ADAMTSL1: variants seen among roughly 807,000 people sequenced by gnomAD.
ADAMTSL1 encodes ADAMTS like 1.
ADAMTSL1 carries 126 observed loss-of-function variants against 201.8 expected under a neutral mutation model. That is an observed-to-expected ratio of 0.62 (90% CI 0.54 to 0.72). The LOEUF is 0.72. ADAMTSL1 is among the 30% of genes least tolerant of loss of function. ADAMTSL1 has a pLI of 0.00. For missense variants in ADAMTSL1, 2,679 were observed against 2,277.8 expected (o/e 1.18, Z -3.59); for synonymous variants, 1,121 against 903.4 (o/e 1.24, Z -4.32).
intron 3 of ADAMTSL1, among the ~76,000 whole-genome samples, chr9:18,564,279 G>A (rs558294609): frequency 1.6e-4 from 24 of 152,264 alleles, no homozygotes; most frequent in African/African-American, 4.3e-4. Context: ...TCCTCAACCC[G>A]TTGCACTTCC....
chr9:18,396,614 A>G (rs1379310208), intron 2 of ADAMTSL1, among the ~76,000 whole-genome samples: 1 of 149,718 alleles, frequency 6.7e-6, no homozygotes, highest in Non-Finnish European at 1.5e-5. Context: ...TTTTTATAAT[A>G]TTATTTTTAT....
intron 2 of ADAMTSL1, among the ~76,000 whole-genome samples, chr9:18,350,514 C>CT (rs5896783): frequency 0.24 from 35,902 of 151,402 alleles, 4,990 homozygotes; most frequent in Admixed American, 0.42. Flanking sequence ...AAGGAGAAAA[C>CT]TTTTTTTTTC....
At chr9:18,587,753 G>T (rs531737942) in intron 4 of ADAMTSL1, among the ~76,000 whole-genome samples, 30 of 152,154 alleles carry the variant, frequency 2.0e-4, no homozygotes, top group Non-Finnish European at 3.8e-4. Flanking sequence ...TTCTGTGCCT[G>T]GTTTATTTCA....
At chr9:18,552,607 T>A (rs10756973) in intron 3 of ADAMTSL1, among the ~76,000 whole-genome samples, 39,609 of 151,460 alleles carry the variant, frequency 0.26, 5,630 homozygotes, top group East Asian at 0.6. Context: ...ATAATTTTTT[T>A]AAAATACTTG....
intron 2 of ADAMTSL1, among the ~76,000 whole-genome samples, chr9:18,442,565 CAATTT>C (rs1820037593): frequency 1.3e-5 from 2 of 152,260 alleles, no homozygotes; most frequent in East Asian, 3.9e-4. Context: ...CATGGGTCCT[CAATTT>C]AGTTGTATAT....
In ADAMTSL1 at chr9:18,369,617, C is replaced by G. The variant is rs565599284; in HGVS notation, c.208-135212C>G. On this transcript the variant is annotated intron_variant, in intron 2 of 29. Coordinates refer to the ADAMTSL1 transcript ENST00000680146. ...AGAACTACCATTAGACCCATCTATC[C>G]TACTACTGTGTATCTACTCAAAGGA... Among the ~76,000 whole-genome samples the G allele has an allele frequency of 1.6e-3, 238 of 152,274 alleles. 3 individuals are homozygous for G. The highest frequency in any genetic ancestry group is 0.014 in the South Asian group (66 of 4,820).
chr9:18,276,754 C>T (rs1449328492), intron 2 of ADAMTSL1, among the ~76,000 whole-genome samples: 2 of 152,162 alleles, frequency 1.3e-5, no homozygotes, highest in Non-Finnish European at 2.9e-5. Flanking sequence ...TTATTTTAAA[C>T]AGCCAGATCT....
intron 1 of ADAMTSL1, among the ~76,000 whole-genome samples, chr9:18,487,612 G>A (rs536971248): frequency 4.7e-4 from 72 of 152,136 alleles, no homozygotes; most frequent in Non-Finnish European, 7.3e-4. Context: ...TATGTATGTC[G>A]TGTCATATAA....
At chr9:18,905,723 G>A (rs371384977) in intron 26 of ADAMTSL1, 59 bp from the exon 27 acceptor site, 45 of 1,382,624 alleles carry the variant, frequency 3.3e-5, no homozygotes, top group East Asian at 2.7e-4. Flanking sequence ...GCCCAAGCAC[G>A]GCGGCCTCCA....
intron 20 of ADAMTSL1, among the ~76,000 whole-genome samples, chr9:18,811,012 C>CAAAAAAAAAAAAAAAAAAAAAAA (rs76456235): frequency 5.2e-5 from 2 of 38,790 alleles, no homozygotes; most frequent in Non-Finnish European, 8.7e-5. Flanking sequence ...CAATGAGTAC[C>CAAAAAAAAAAAAAAAAAAAAAAA]AAAAAAAAAA....
chr9:18,551,345 CTATGTT>C (rs1224439705), intron 3 of ADAMTSL1, among the ~76,000 whole-genome samples: 1 of 151,764 alleles, frequency 6.6e-6, no homozygotes, highest in African/African-American at 2.4e-5. Flanking sequence ...CAATTTGCCT[CTATGTT>C]TATGAGTAAT....
chr9:18,684,887 T>C, intron 13 of ADAMTSL1, 87 bp downstream of exon 13: 2 of 1,507,174 alleles, frequency 1.3e-6, no homozygotes, highest in Non-Finnish European at 1.8e-6. Flanking sequence ...CTTTCATGGG[T>C]TCTGAACTAA....
chr9:18,745,349 A>G (rs1367598678), intron 15 of ADAMTSL1, among the ~76,000 whole-genome samples: 1 of 152,202 alleles, frequency 6.6e-6, no homozygotes, highest in African/African-American at 2.4e-5. Context: ...AAAGGATTAA[A>G]ATATATTACT....
intron 2 of ADAMTSL1, among the ~76,000 whole-genome samples, chr9:18,322,837 A>G (rs1361255442): frequency 6.6e-6 from 1 of 152,244 alleles, no homozygotes; most frequent in Non-Finnish European, 1.5e-5. Context: ...AAATGCATAC[A>G]TCAATGCAAC....
intron 23 of ADAMTSL1, among the ~76,000 whole-genome samples, chr9:18,862,981 A>G (rs973768620): frequency 1.3e-5 from 2 of 152,214 alleles, no homozygotes; most frequent in African/African-American, 4.8e-5. Flanking sequence ...GGTAGGTTCA[A>G]TTCTGATCAA....
intron 2 of ADAMTSL1, among the ~76,000 whole-genome samples, chr9:18,372,212 C>G (rs1209956792): frequency 2.6e-5 from 4 of 152,122 alleles, no homozygotes; most frequent in Admixed American, 6.5e-5. Context: ...AACCTAGAAA[C>G]TGACTTAGAA....
intron 2 of ADAMTSL1, among the ~76,000 whole-genome samples, chr9:18,189,534 GC>G (rs1242895037): frequency 6.6e-6 from 1 of 151,868 alleles, no homozygotes; most frequent in Non-Finnish European, 1.5e-5. Context: ...AAGATTTAAC[GC>G]CCTTTTCCAC....
intron 14 of ADAMTSL1, among the ~76,000 whole-genome samples, chr9:18,714,494 A>G (rs1008837153): frequency 1.6e-4 from 24 of 152,104 alleles, no homozygotes; most frequent in Admixed American, 6.5e-5. Context: ...TAGAAAATCT[A>G]GAAGAAATGG....
At chr9:18,294,236 G>A (rs7849559) in intron 2 of ADAMTSL1, among the ~76,000 whole-genome samples, 86,100 of 152,034 alleles carry the variant, frequency 0.57, 25,747 homozygotes, top group Admixed American at 0.74. Flanking sequence ...CTTTATTAGT[G>A]GAGTGGGATG....
Sources: gnomAD v4.1 joint callset for allele counts (sites outside exome capture counted in the v4.1 genomes callset) on GRCh38, gnomAD v4.1.1 for gene constraint, MANE v1.5 for transcripts, NCBI Gene and HGNC (gene_info 2026-07-23, HGNC 2026-07-21) for gene names.